ASAP1: variants seen among roughly 807,000 people sequenced by gnomAD.
ASAP1 encodes the protein arf-GAP with SH3 domain, ANK repeat and PH domain-containing protein 1.
In ASAP1, 43 loss-of-function variants were observed where a neutral mutation model predicts 145.2. The ratio of observed to expected loss-of-function variants is 0.30; its 90% CI spans 0.23 to 0.38. The LOEUF is 0.38. Among genes scored for constraint, ASAP1 ranks in the 10% least tolerant of loss-of-function variants. The pLI is 1.00. For missense variants in ASAP1, 1,018 were observed against 1,355.3 expected (o/e 0.75, Z 3.91); for synonymous variants, 546 against 515.5 (o/e 1.06, Z -0.80).
At chr8:130,168,899 C>G in intron 10 of ASAP1, 93 bp downstream of exon 10, 1 of 741,876 alleles carries the variant, frequency 1.3e-6, no homozygotes, top group Non-Finnish European at 2.3e-6. Flanking sequence ...TTAATCTTTT[C>G]TGCTTTTAAC....
chr8:130,071,158 T>G (rs749432490), intron 27 of ASAP1, among the ~76,000 whole-genome samples: 4 of 152,148 alleles, frequency 2.6e-5, no homozygotes, highest in Non-Finnish European at 5.9e-5. Context: ...TTTTTGTTTT[T>G]TAGCTATGGG....
intron 2 of ASAP1, chr8:130,360,579 G>C (rs1372643296): frequency 6.6e-6 from 1 of 152,238 alleles, no homozygotes; most frequent in Non-Finnish European, 1.5e-5. Flanking sequence ...GGGAAATTTT[G>C]TAAGGGGAAT....
chr8:130,120,384 T>G (rs1472977256), intron 18 of ASAP1, among the ~76,000 whole-genome samples: 1 of 152,250 alleles, frequency 6.6e-6, no homozygotes, highest in Non-Finnish European at 1.5e-5. Flanking sequence ...TATGTGACCC[T>G]GGGTAAATCA....
At chr8:130,099,432 G>GCCTCA in intron 24 of ASAP1, among the ~76,000 whole-genome samples, 1 of 152,146 alleles carries the variant, frequency 6.6e-6, no homozygotes, top group African/African-American at 2.4e-5. Flanking sequence ...CGCCCATCGT[G>GCCTCA]GCCTCCAAAA....
At chr8:130,222,004 C>T (rs951441705) in intron 4 of ASAP1, among the ~76,000 whole-genome samples, 15 of 152,194 alleles carry the variant, frequency 9.9e-5, no homozygotes, top group African/African-American at 3.6e-4. Context: ...ATGATGACAA[C>T]CATACCAACT....
chr8:130,362,475 A>C (rs1826765470), intron 2 of ASAP1, among the ~76,000 whole-genome samples: 1 of 152,256 alleles, frequency 6.6e-6, no homozygotes, highest in South Asian at 2.1e-4. Flanking sequence ...TATTGTGTGA[A>C]ATAAAATGAG....
chr8:130,077,161 C>T (rs2097464325), intron 26 of ASAP1, among the ~76,000 whole-genome samples: 1 of 152,224 alleles, frequency 6.6e-6, no homozygotes, highest in Admixed American at 6.5e-5. Flanking sequence ...GCCCTCACTT[C>T]CTCCACTATA....
In ASAP1 at chr8:130,340,948, T is replaced by TTTTTTG. The variant is rs372372205; in HGVS notation, c.186+17063_186+17068dup. On this transcript the variant is annotated intron_variant, in intron 3 of 29. Transcript: ENST00000518721. The stretch of plus-strand genomic sequence containing the variant: ...TTCAAGGGAATAAAATACTAGGTTT[T>TTTTTTG]TTTTTGTTTTTGTTTTTGTTTTTGT... The TTTTTTG allele has an allele frequency of 5.2e-4, 233 of 447,640 alleles. 1 individual carries two copies. Among genetic ancestry groups the TTTTTTG allele is most frequent in the African/African-American group, 1.5e-3 (73 of 49,096 alleles). 27.7% of individuals were successfully genotyped at this position (447,640 alleles called of 1,614,324 possible). A position where few individuals can be genotyped will look rare whatever the true frequency, so the allele number is the denominator to read the frequency against.
Position 130,439,793 on chromosome 8 carries a change from G to T in ASAP1, c.-28+3667C>A, listed in dbSNP as rs949665135. Among the ~76,000 whole-genome samples, 7 of 152,316 alleles carry T rather than the reference G, an allele frequency of 4.6e-5. 1 individual carries two copies. In the South Asian group the frequency reaches 1.5e-3, roughly 32 times the overall value. On this transcript the variant is annotated intron_variant, in intron 1 of 29. Transcript: ENST00000518721. Reference sequence around the variant, plus strand: ...GGAAATGAAACACAGGGCATGTGCCGGCAAGCACTCTGGCAGCTCCACAGC... The same window carrying T: ...GGAAATGAAACACAGGGCATGTGCCTGCAAGCACTCTGGCAGCTCCACAGC...
chr8:130,263,598 CCTAA>C (rs1033655482), intron 3 of ASAP1, among the ~76,000 whole-genome samples: 4 of 152,156 alleles, frequency 2.6e-5, no homozygotes, highest in African/African-American at 9.7e-5. Flanking sequence ...ACTTAGGGAG[CCTAA>C]CTGAAATGGT....
At chr8:130,240,187 A>G (rs931999356) in intron 3 of ASAP1, among the ~76,000 whole-genome samples, 2 of 152,106 alleles carry the variant, frequency 1.3e-5, no homozygotes, top group African/African-American at 4.8e-5. Context: ...ATTTCTGTTC[A>G]ATGTTTACCA....
At chr8:130,300,151 C>CAGAGAGAGAGAG (rs1234117059) in intron 3 of ASAP1, among the ~76,000 whole-genome samples, 51 of 84,802 alleles carry the variant, frequency 6.0e-4, no homozygotes, top group African/African-American at 1.3e-3. Flanking sequence ...CACACACACA[C>CAGAGAGAGAGAG]ACAGAGAGAG....
intron 3 of ASAP1, among the ~76,000 whole-genome samples, chr8:130,271,579 C>T (rs932980990): frequency 6.6e-5 from 10 of 152,222 alleles, no homozygotes; most frequent in Admixed American, 5.2e-4. Flanking sequence ...CACCTACCAA[C>T]CTGCATCTCC....
At chr8:130,439,500 C>G (rs1830421973) in intron 1 of ASAP1, among the ~76,000 whole-genome samples, 1 of 152,018 alleles carries the variant, frequency 6.6e-6, no homozygotes, top group Non-Finnish European at 1.5e-5. Flanking sequence ...TAATAGCTAA[C>G]ATTTGTCGAA....
chr8:130,313,792 C>T (rs1252613877), intron 3 of ASAP1, among the ~76,000 whole-genome samples: 1 of 152,204 alleles, frequency 6.6e-6, no homozygotes, highest in African/African-American at 2.4e-5. Flanking sequence ...TTTATACTAT[C>T]AGTTCTGATA....
chr8:130,093,768 G>A (rs774668266), intron 24 of ASAP1, among the ~76,000 whole-genome samples: 5 of 145,234 alleles, frequency 3.4e-5, no homozygotes, highest in South Asian at 2.3e-4. Flanking sequence ...CTCCAAAAGA[G>A]CTTTATACAC....
chr8:130,116,649 A>C (rs554911293), intron 22 of ASAP1, 29 bp downstream of exon 22: 1 of 1,600,312 alleles, frequency 6.2e-7, no homozygotes, highest in Admixed American at 1.7e-5. Flanking sequence ...CCAATGTCTA[A>C]TAAATCTCCC....
chr8:130,190,675 G>A (rs1815076725), intron 5 of ASAP1, among the ~76,000 whole-genome samples: 3 of 152,146 alleles, frequency 2.0e-5, no homozygotes, highest in Admixed American at 6.5e-5. Context: ...GCATCACTAC[G>A]TCCGGCCAAT....
chr8:130,099,471 C>A (rs1024011618), intron 24 of ASAP1, among the ~76,000 whole-genome samples: 1 of 151,456 alleles, frequency 6.6e-6, no homozygotes, highest in Non-Finnish European at 1.5e-5. Flanking sequence ...TGAGCCACTG[C>A]GCCCGGCCAG....
Sources: allele counts gnomAD v4.1 joint callset (sites outside exome capture counted in the v4.1 genomes callset), GRCh38; gene constraint gnomAD v4.1.1; transcripts MANE v1.5; gene names NCBI Gene and HGNC (gene_info 2026-07-23, HGNC 2026-07-21).